The following GPC5 variants were observed in gnomAD, a reference collection of about 807,000 sequenced individuals.
GPC5 encodes glypican-5.
GPC5 carries 47 observed loss-of-function variants against 53.9 expected under a neutral mutation model. The observed-to-expected ratio is 0.87, with a 90% confidence interval of 0.69 to 1.11. The LOEUF is 1.11. GPC5 is among the 50% of genes most tolerant of loss of function. GPC5 has a pLI of 0.00. For synonymous variants in GPC5, 286 were observed against 263.3 expected (o/e 1.09, Z -0.84); for missense variants, 748 against 713.1 (o/e 1.05, Z -0.56).
chr13:92,127,566 AT>A lies in GPC5; in HGVS notation c.1402-17262del, dbSNP rs544266905. 9.5e-4 allele frequency among the ~76,000 whole-genome samples: 144 copies of A among 152,290 alleles called. 3 individuals are homozygous for A. In the South Asian group the frequency reaches 0.012, roughly 12 times the overall value. On this transcript the variant is annotated intron_variant, in intron 6 of 7. Coordinates refer to ENST00000377067, the MANE Select transcript of GPC5 (RefSeq NM_004466.6). ...AGGATTCAATCGATTAAATATTAAT[AT>A]TCCTTGAATTAGCAGAGCAGAACTA...
chr13:92,163,973 G>A (rs533964225), intron 7 of GPC5, among the ~76,000 whole-genome samples: 3 of 152,056 alleles, frequency 2.0e-5, no homozygotes, highest in African/African-American at 7.2e-5. Flanking sequence ...ACAGAGCAAA[G>A]GTGGGAAAAG....
chr13:92,818,951 G>T (rs1231075070), intron 7 of GPC5, among the ~76,000 whole-genome samples: 1 of 151,906 alleles, frequency 6.6e-6, no homozygotes, highest in South Asian at 2.1e-4. Context: ...AGACTTATTT[G>T]GACTGTCTTC....
At chr13:92,437,007 G>A (rs571874043) in intron 7 of GPC5, among the ~76,000 whole-genome samples, 1 of 152,316 alleles carries the variant, frequency 6.6e-6, no homozygotes, top group South Asian at 2.1e-4. Context: ...CAAAGGAAAT[G>A]TTTTGTAAAT....
chr13:91,571,765 A>ATGTATACACACATATACGTG lies in GPC5; in HGVS notation c.326-121419_326-121418insATACACACATATACGTGTGT, dbSNP rs2031797071. Among the ~76,000 whole-genome samples the ATGTATACACACATATACGTG allele has an allele frequency of 3.0e-5, 2 of 67,694 alleles. 1 individual carries two copies. Among genetic ancestry groups the ATGTATACACACATATACGTG allele is most frequent in the African/African-American group, 3.4e-4 (2 of 5,862 alleles). 44.4% of individuals were successfully genotyped at this position (67,694 alleles called of 152,430 possible). ...TATATATACACACATATACATGTGT[A>ATGTATACACACATATACGTG]TGTGTATATACACACACATATACGT... On this transcript the variant is annotated intron_variant, in intron 2 of 7. Transcript: ENST00000377067.
chr13:92,561,633 A>G (rs1255203447), intron 7 of GPC5, among the ~76,000 whole-genome samples: 1 of 152,068 alleles, frequency 6.6e-6, no homozygotes, highest in Non-Finnish European at 1.5e-5. Flanking sequence ...TAAAATGTGT[A>G]ACTGTGCAGT....
intron 7 of GPC5, among the ~76,000 whole-genome samples, chr13:92,433,733 A>G (rs1030848130): frequency 1.3e-5 from 2 of 152,216 alleles, no homozygotes; most frequent in Non-Finnish European, 2.9e-5. Flanking sequence ...AGTAGGTTAT[A>G]TTAAAAAGGA....
At chr13:92,104,389 C>T (rs184919915) in intron 6 of GPC5, among the ~76,000 whole-genome samples, 28 of 152,240 alleles carry the variant, frequency 1.8e-4, no homozygotes, top group South Asian at 6.2e-4. Context: ...TTAATTTTGA[C>T]AATTTTTCCC....
intron 2 of GPC5, among the ~76,000 whole-genome samples, chr13:91,639,754 T>C (rs2139478906): frequency 6.6e-6 from 1 of 152,358 alleles, no homozygotes; most frequent in Non-Finnish European, 1.5e-5. Context: ...CTTCATTGTG[T>C]TCCTATTCAT....
chr13:91,416,625 C>T (rs1345242330), intron 1 of GPC5, among the ~76,000 whole-genome samples: 1 of 151,988 alleles, frequency 6.6e-6, no homozygotes, highest in East Asian at 1.9e-4. Flanking sequence ...CACCCCCTGA[C>T]AGGCCCTGGT....
intron 7 of GPC5, among the ~76,000 whole-genome samples, chr13:92,297,674 C>A (rs2139192892): frequency 6.6e-6 from 1 of 152,222 alleles, no homozygotes; most frequent in Middle Eastern, 3.4e-3. Flanking sequence ...TGTAAACGCA[C>A]CAATCAGCGC....
chr13:91,484,804 C>T (rs375797049), intron 2 of GPC5, among the ~76,000 whole-genome samples: 5 of 152,254 alleles, frequency 3.3e-5, no homozygotes, highest in African/African-American at 1.2e-4. Context: ...ACAGTGTACC[C>T]TAATTGAGAA....
chr13:91,882,622 AT>A (rs1378063159), intron 5 of GPC5, among the ~76,000 whole-genome samples: 12 of 67,158 alleles, frequency 1.8e-4, no homozygotes, highest in Non-Finnish European at 2.6e-4. Flanking sequence ...ATAGAGTTTG[AT>A]TTTTTTTTTC....
chr13:92,784,902 G>A (rs1876159950), intron 7 of GPC5, among the ~76,000 whole-genome samples: 1 of 152,078 alleles, frequency 6.6e-6, no homozygotes, highest in African/African-American at 2.4e-5. Context: ...ATTATAGACT[G>A]TATTATATCA....
chr13:92,588,347 C>T (rs746466361), intron 7 of GPC5, among the ~76,000 whole-genome samples: 9 of 152,162 alleles, frequency 5.9e-5, no homozygotes, highest in Admixed American at 1.3e-4. Context: ...CCAAAGGATT[C>T]TAAATCATTC....
intron 7 of GPC5, among the ~76,000 whole-genome samples, chr13:92,276,843 T>C (rs1047197743): frequency 3.3e-5 from 5 of 152,084 alleles, no homozygotes; most frequent in African/African-American, 1.2e-4. Flanking sequence ...ATTGAAAGCA[T>C]TGCATGATAA....
chr13:92,086,816 G>C (rs1323694587), intron 6 of GPC5, among the ~76,000 whole-genome samples: 1 of 152,020 alleles, frequency 6.6e-6, no homozygotes, highest in African/African-American at 2.4e-5. Context: ...CTGCCAACAT[G>C]CCTGGCTAAT....
In GPC5 at chr13:92,625,348, A is replaced by G. The variant is rs1226728218; in HGVS notation, c.1562-240934A>G. Among the ~76,000 whole-genome samples the G allele has an allele frequency of 4.6e-5, 7 of 152,334 alleles. No individual in the cohort carries two copies. The East Asian group carries it at 1.2e-3, about 25-fold the overall frequency. On this transcript the variant is annotated intron_variant, in intron 7 of 7. Coordinates refer to ENST00000377067, the MANE Select transcript of GPC5 (RefSeq NM_004466.6). ...ATTGGGATATATGACTATTTTGGTC[A>G]TTTAAAAAATGTTGCAGAGGACCAC...
chr13:91,683,219 C>T (rs1566606703), intron 2 of GPC5, among the ~76,000 whole-genome samples: 1 of 151,830 alleles, frequency 6.6e-6, no homozygotes, highest in Non-Finnish European at 1.5e-5. Flanking sequence ...GGATATAAGC[C>T]AAGGAGTGCC....
At chr13:91,688,149 A>G (rs545695857) in intron 2 of GPC5, among the ~76,000 whole-genome samples, 1 of 152,256 alleles carries the variant, frequency 6.6e-6, no homozygotes, top group East Asian at 1.9e-4. Context: ...TACAAATTCA[A>G]AGTTAACACA....
Sources: allele counts gnomAD v4.1 joint callset (sites outside exome capture counted in the v4.1 genomes callset), GRCh38; gene constraint gnomAD v4.1.1; transcripts MANE v1.5; gene names NCBI Gene and HGNC (gene_info 2026-07-23, HGNC 2026-07-21).